TRAPPC9: variants seen among roughly 807,000 people sequenced by gnomAD.
TRAPPC9 encodes IKK2 binding protein.
A neutral mutation model predicts 124.0 loss-of-function variants in TRAPPC9; 83 were observed. The ratio of observed to expected loss-of-function variants is 0.67; its 90% CI spans 0.56 to 0.80. TRAPPC9 has a LOEUF of 0.80. TRAPPC9 is among the 30% of genes least tolerant of loss of function. TRAPPC9 has a pLI of 0.00. For synonymous variants in TRAPPC9, 638 were observed against 617.5 expected, an observed-to-expected ratio of 1.03 and a Z score of -0.49; for missense variants, 1,302 against 1,508.3, an observed-to-expected ratio of 0.86 and a Z score of 2.27.
At position 140,189,420 on chromosome 8, in the gene TRAPPC9, G is replaced by A. The variant is rs182691453; in HGVS notation, c.2556+32039C>T. Among the ~76,000 whole-genome samples, 250 of 152,298 alleles carry A rather than the reference G, an allele frequency of 1.6e-3. 1 individual carries two copies. Among genetic ancestry groups the A allele is most frequent in the Non-Finnish European group, 2.8e-3 (191 of 68,020 alleles). Reference sequence around the variant, plus strand: ...GGGAAAAACTAGCGACCCAAGCCTCGAACAAGAGGGGAGGCATTTTATAAA... The same window carrying A: ...GGGAAAAACTAGCGACCCAAGCCTCAAACAAGAGGGGAGGCATTTTATAAA... On this transcript the variant is annotated intron_variant, in intron 17 of 22. Transcript: ENST00000438773.
intron 16 of TRAPPC9, among the ~76,000 whole-genome samples, chr8:140,237,749 G>A (rs1167904267): frequency 6.6e-6 from 1 of 152,158 alleles, no homozygotes; most frequent in Non-Finnish European, 1.5e-5. Flanking sequence ...GCCACCAGAA[G>A]TCACCCAACA....
At chr8:140,415,156 A>C (rs1257488824) in intron 5 of TRAPPC9, among the ~76,000 whole-genome samples, 8 of 151,982 alleles carry the variant, frequency 5.3e-5, no homozygotes, top group African/African-American at 1.9e-4. Context: ...GGCTGCAGTG[A>C]GCTGTAATCG....
intron 21 of TRAPPC9, among the ~76,000 whole-genome samples, chr8:139,757,024 T>C (rs1819872902): frequency 2.4e-5 from 3 of 126,290 alleles, no homozygotes; most frequent in African/African-American, 6.2e-5. Flanking sequence ...GGTTTGGGGA[T>C]GAGGACAGCA....
chr8:140,360,301 C>T (rs754171778), intron 8 of TRAPPC9, 108 bp from the exon 9 acceptor site: 137 of 1,391,114 alleles, frequency 9.8e-5, no homozygotes, highest in Non-Finnish European at 1.2e-4. Context: ...GCCTCAACCA[C>T]CAAACTCCAA....
intron 11 of TRAPPC9, among the ~76,000 whole-genome samples, chr8:140,298,353 T>C (rs2065870445): frequency 6.6e-6 from 1 of 151,998 alleles, no homozygotes; most frequent in South Asian, 2.1e-4. Flanking sequence ...TGAGAAATGC[T>C]CATCAAGACA....
At position 140,024,088 on chromosome 8, in the gene TRAPPC9, T is replaced by G. The variant is rs777757121; in HGVS notation, c.2557-9A>C. The G allele has an allele frequency of 1.9e-6, 3 of 1,612,144 alleles. No individual in the cohort carries two copies. The highest frequency in any genetic ancestry group is 3.3e-5 in the Admixed American group (2 of 59,912). On this transcript the variant is annotated splice_polypyrimidine_tract_variant and intron_variant, in intron 17 of 22. Transcript: ENST00000438773. The stretch of plus-strand genomic sequence containing the variant: ...AGGACAGCTTCCAGGGTCTAAAAGA[T>G]ATTAAAAAAAAAAATACACACACAC...
chr8:139,971,968 C>A (rs2256696), intron 19 of TRAPPC9, among the ~76,000 whole-genome samples: 125,804 of 151,790 alleles, frequency 0.83, 52,881 homozygotes, highest in East Asian at 0.98. Flanking sequence ...ACTACAGGCA[C>A]GCGCCACCAT....
chr8:140,168,106 T>C (rs748910430), intron 17 of TRAPPC9, among the ~76,000 whole-genome samples: 2 of 152,222 alleles, frequency 1.3e-5, no homozygotes, highest in Non-Finnish European at 2.9e-5. Context: ...TCAGGTAACT[T>C]GCTCAATAAC....
intron 21 of TRAPPC9, among the ~76,000 whole-genome samples, chr8:139,847,809 C>T (rs1827190905): frequency 6.6e-6 from 1 of 152,222 alleles, no homozygotes; most frequent in Non-Finnish European, 1.5e-5. Context: ...CACCTGCCTT[C>T]CTGACGGCCC....
chr8:140,249,339 G>A (rs1457940889), intron 16 of TRAPPC9, among the ~76,000 whole-genome samples: 1 of 152,050 alleles, frequency 6.6e-6, no homozygotes, highest in Non-Finnish European at 1.5e-5. Context: ...ATGCATCCAC[G>A]TTGCTGCAAA....
intron 17 of TRAPPC9, among the ~76,000 whole-genome samples, chr8:140,107,687 G>A (rs1401403240): frequency 6.6e-6 from 1 of 152,160 alleles, no homozygotes; most frequent in African/African-American, 2.4e-5. Flanking sequence ...GCTTACAGGC[G>A]AAGGCATGGA....
At chr8:140,429,432 T>G (rs1422645330) in intron 4 of TRAPPC9, among the ~76,000 whole-genome samples, 1 of 144,036 alleles carries the variant, frequency 6.9e-6, no homozygotes, top group Non-Finnish European at 1.6e-5. Context: ...ACTAGCTCCA[T>G]AACCTTGGTC....
chr8:140,133,633 G>T lies in TRAPPC9; in HGVS notation c.2556+87826C>A, dbSNP rs181495153. Among the ~76,000 whole-genome samples the T allele has an allele frequency of 2.6e-3, 403 of 152,298 alleles. 1 individual carries two copies. Among genetic ancestry groups the T allele is most frequent in the Middle Eastern group, 6.8e-3 (2 of 294 alleles). ...AGAAGTAAAACTCTCTGTATTCACA[G>T]GTGACATGAGCCTACATTAGAAAAT... is the stretch of plus-strand genomic sequence containing the variant. On this transcript the variant is annotated intron_variant, in intron 17 of 22. Transcript: ENST00000438773.
chr8:140,284,694 A>C (rs2065434428), intron 13 of TRAPPC9, among the ~76,000 whole-genome samples: 1 of 152,224 alleles, frequency 6.6e-6, no homozygotes, highest in South Asian at 2.1e-4. Flanking sequence ...CCATGGCTAG[A>C]TGCCTAGGGT....
At chr8:140,035,788 G>A (rs1250632963) in intron 17 of TRAPPC9, among the ~76,000 whole-genome samples, 1 of 152,214 alleles carries the variant, frequency 6.6e-6, no homozygotes, top group African/African-American at 2.4e-5. Flanking sequence ...GCCTGAAGAA[G>A]CGTCTTTCGA....
At chr8:140,397,186 T>C (rs2069119724) in intron 7 of TRAPPC9, among the ~76,000 whole-genome samples, 1 of 152,222 alleles carries the variant, frequency 6.6e-6, no homozygotes, top group Non-Finnish European at 1.5e-5. Context: ...TCCATTTAGA[T>C]TCAGATTAAA....
intron 10 of TRAPPC9, among the ~76,000 whole-genome samples, chr8:140,305,201 A>G (rs1443963475): frequency 2.6e-5 from 4 of 152,126 alleles, no homozygotes; most frequent in Admixed American, 2.6e-4. Context: ...ATCTCCAGCC[A>G]TTACGTAGGA....
chr8:139,830,129 T>C (rs1335725854), intron 21 of TRAPPC9, among the ~76,000 whole-genome samples: 2 of 152,228 alleles, frequency 1.3e-5, no homozygotes, highest in Non-Finnish European at 2.9e-5. Context: ...CGATGGTCTG[T>C]GGCCTGCTAG....
At chr8:140,315,233 C>CTTTTTTTTTTT (rs61220260) in intron 9 of TRAPPC9, among the ~76,000 whole-genome samples, 1 of 107,172 alleles carries the variant, frequency 9.3e-6, no homozygotes, top group Non-Finnish European at 1.9e-5. Context: ...ATTTGTATGT[C>CTTTTTTTTTTT]TTTTTTTTTT....
Sources: gnomAD v4.1 joint callset for allele counts (sites outside exome capture counted in the v4.1 genomes callset) on GRCh38, gnomAD v4.1.1 for gene constraint, MANE v1.5 for transcripts, NCBI Gene and HGNC (gene_info 2026-07-23, HGNC 2026-07-21) for gene names.